The following DRC2 variants were observed in gnomAD, a reference collection of about 807,000 sequenced individuals.
The protein encoded by DRC2 is coiled-coil domain containing 65.
chr12:48,915,942 C>CTGCAATCTCGGCACTTCGGGA, the DRC2 span, among the ~76,000 whole-genome samples: 2 of 146,912 alleles, frequency 1.4e-5, no homozygotes. Context: ...CGGGCAGAGG[C>CTGCAATCTCGGCACTTCGGGA]GCTCCTCACA....
chr12:48,905,538 T>C, the DRC2 span, among the ~76,000 whole-genome samples: 2 of 152,202 alleles, frequency 1.3e-5, no homozygotes, highest in Non-Finnish European at 2.9e-5. Context: ...ACTAAATTGT[T>C]TGGCCTCTTG....
the DRC2 span, chr12:48,916,899 T>G: frequency 6.9e-7 from 1 of 1,457,150 alleles, no homozygotes; most frequent in South Asian, 1.2e-5. Flanking sequence ...GATTACATAC[T>G]GCTTTGAATT....
At chr12:48,920,111 T>TA in the DRC2 span, among the ~76,000 whole-genome samples, 15,397 of 31,998 alleles carry the variant, frequency 0.48, 4,767 homozygotes, top group Non-Finnish European at 0.54. Context: ...AGACCCTGTC[T>TA]AAAAAAAAAA....
the DRC2 span, chr12:48,905,005 G>T: frequency 1.2e-6 from 2 of 1,614,082 alleles, no homozygotes; most frequent in Non-Finnish European, 1.7e-6. Context: ...TTAACACACA[G>T]TGGAGAACTG....
At chr12:48,911,482 G>A in the DRC2 span, among the ~76,000 whole-genome samples, 2 of 152,118 alleles carry the variant, frequency 1.3e-5, no homozygotes, top group African/African-American at 4.8e-5. Flanking sequence ...AATTGAGCCT[G>A]GGAGGTTGAG....
chr12:48,916,846 C>T, the DRC2 span: 3 of 849,020 alleles, frequency 3.5e-6, no homozygotes, highest in South Asian at 4.2e-5. Flanking sequence ...CCTTCCCTCT[C>T]TCTTTTCTCC....
chr12:48,905,897 G>A, the DRC2 span, among the ~76,000 whole-genome samples: 5 of 151,960 alleles, frequency 3.3e-5, no homozygotes, highest in South Asian at 2.1e-4. Context: ...TCAGCCTCCC[G>A]AGTAGCTGTG....
At chr12:48,920,641 C>G in the DRC2 span, among the ~76,000 whole-genome samples, 2 of 151,212 alleles carry the variant, frequency 1.3e-5, no homozygotes, top group East Asian at 4.0e-4. Flanking sequence ...TCCATCTCAG[C>G]CTCCCCAGTA....
the DRC2 span, chr12:48,918,247 C>G: frequency 3.4e-5 from 54 of 1,607,682 alleles, no homozygotes; most frequent in African/African-American, 6.0e-4. Flanking sequence ...TAATTCCAAA[C>G]ATTTGCTATT....
the DRC2 span, chr12:48,918,761 A>G: frequency 6.2e-7 from 1 of 1,614,184 alleles, no homozygotes; most frequent in Non-Finnish European, 8.5e-7. Context: ...TATATCCGTA[A>G]TGACAAGGAA....
At chr12:48,914,922 G>A in the DRC2 span, among the ~76,000 whole-genome samples, 1 of 151,606 alleles carries the variant, frequency 6.6e-6, no homozygotes, top group East Asian at 1.9e-4. Flanking sequence ...GCAGTGGCAC[G>A]ATCTCAGCTC....
chr12:48,917,515 GAA>G, the DRC2 span, among the ~76,000 whole-genome samples: 3,331 of 152,218 alleles, frequency 0.022, 126 homozygotes, highest in African/African-American at 0.074. Context: ...ACTAGAAGTA[GAA>G]GAGACCCCTT....
chr12:48,918,331 G>A, the DRC2 span: 373 of 1,614,222 alleles, frequency 2.3e-4, 1 homozygote, highest in African/African-American at 4.5e-3. Flanking sequence ...TAGAAGATCT[G>A]TGGAGAAAGT....
At chr12:48,917,039 G>A in the DRC2 span, 2 of 1,614,050 alleles carry the variant, frequency 1.2e-6, no homozygotes. Flanking sequence ...CCATGGAGCA[G>A]AACTATATAG....
chr12:48,921,330 G>C, the DRC2 span: 2 of 1,614,160 alleles, frequency 1.2e-6, no homozygotes, highest in Non-Finnish European at 1.7e-6. Context: ...AGTGAGTGAC[G>C]AAGTGCTGAG....
chr12:48,911,985 C>G, the DRC2 span, among the ~76,000 whole-genome samples: 1 of 151,824 alleles, frequency 6.6e-6, no homozygotes, highest in Non-Finnish European at 1.5e-5. Flanking sequence ...TCTGGCTGGG[C>G]ACGGTGGCTC....
chr12:48,919,054 T>C, the DRC2 span: 2 of 596,454 alleles, frequency 3.4e-6, no homozygotes, highest in Non-Finnish European at 6.0e-6. Flanking sequence ...TTTCCTCCCC[T>C]CTTACATTAA....
the DRC2 span, chr12:48,921,417 G>C: frequency 1.2e-6 from 2 of 1,610,364 alleles, no homozygotes; most frequent in Non-Finnish European, 1.7e-6. Flanking sequence ...AGCCCATCCA[G>C]GTGATAAACA....
the DRC2 span, among the ~76,000 whole-genome samples, chr12:48,907,922 CA>C: frequency 6.6e-6 from 1 of 152,104 alleles, no homozygotes; most frequent in Non-Finnish European, 1.5e-5. Context: ...TTTCTAGGGC[CA>C]ATCTTACACA....
Sources: allele counts gnomAD v4.1 joint callset (sites outside exome capture counted in the v4.1 genomes callset), GRCh38; gene constraint gnomAD v4.1.1; transcripts MANE v1.5; gene names NCBI Gene and HGNC (gene_info 2026-07-23, HGNC 2026-07-21).